VPS13B: variants seen among roughly 807,000 people sequenced by gnomAD.
The protein encoded by VPS13B is intermembrane lipid transfer protein VPS13B.
Under a neutral mutation model 426.4 loss-of-function variants are expected in VPS13B, and 285 were observed. The observed-to-expected ratio is 0.67, with a 90% CI of 0.61 to 0.74. VPS13B has a LOEUF of 0.74. Among genes scored for constraint, VPS13B ranks in the 30% least tolerant of loss-of-function variants. VPS13B has a pLI of 0.00. For synonymous variants in VPS13B, 1,676 were observed against 1,676.4 expected, an observed-to-expected ratio of 1.00 and a Z score of 0.01; for missense variants, 4,537 against 4,782.6, an observed-to-expected ratio of 0.95 and a Z score of 1.51.
rs184739080 is a variant in VPS13B at position 99,023,558 on chromosome 8, G to T, written c.147+9623G>T. On this transcript the variant is annotated intron_variant, in intron 2 of 61. Transcript: ENST00000357162. Reference sequence around the variant, plus strand: ...TGCAGTGGCGCAATCTTGGCTCACTGCAACCTCTGCCTCCTGGGTTCAAGC... The same window carrying T: ...TGCAGTGGCGCAATCTTGGCTCACTTCAACCTCTGCCTCCTGGGTTCAAGC... Among the ~76,000 whole-genome samples, 1,286 of 151,094 alleles carry T rather than the reference G, an allele frequency of 8.5e-3. 10 individuals are homozygous for T. The highest frequency in any genetic ancestry group is 0.012 in the Non-Finnish European group (825 of 67,846).
chr8:99,147,810 C>G, intron 13 of VPS13B, 31 bp from the exon 14 acceptor site: 1 of 1,329,664 alleles, frequency 7.5e-7, no homozygotes, highest in Non-Finnish European at 9.9e-7. Flanking sequence ...TAAAAATATT[C>G]TTTATTAATT....
intron 22 of VPS13B, among the ~76,000 whole-genome samples, chr8:99,434,494 G>A (rs191938015): frequency 6.4e-4 from 98 of 152,188 alleles, no homozygotes; most frequent in South Asian, 3.9e-3. Flanking sequence ...TTCTTATATA[G>A]CATAGAAAAT....
At chr8:99,818,196 A>T (rs1451264787) in intron 45 of VPS13B, among the ~76,000 whole-genome samples, 1 of 152,006 alleles carries the variant, frequency 6.6e-6, no homozygotes. Flanking sequence ...ATTCTCTTTC[A>T]TTTTGCCACT....
intron 35 of VPS13B, among the ~76,000 whole-genome samples, chr8:99,691,346 G>C (rs1294971837): frequency 6.6e-6 from 1 of 151,912 alleles, no homozygotes; most frequent in African/African-American, 2.4e-5. Context: ...ACAATAAATT[G>C]TATGCTATTG....
chr8:99,494,922 T>A (rs1222482566), intron 25 of VPS13B, among the ~76,000 whole-genome samples: 1 of 152,020 alleles, frequency 6.6e-6, no homozygotes, highest in Non-Finnish European at 1.5e-5. Flanking sequence ...TTAGTTGTAC[T>A]TTTTATACTG....
intron 21 of VPS13B, among the ~76,000 whole-genome samples, chr8:99,399,901 T>C (rs569111853): frequency 3.5e-4 from 53 of 152,314 alleles, no homozygotes; most frequent in African/African-American, 1.3e-3. Context: ...AACATACATA[T>C]AATGTCCTAT....
At chr8:99,697,229 C>A in intron 35 of VPS13B, 1 of 573,018 alleles carries the variant, frequency 1.7e-6, no homozygotes, top group South Asian at 1.9e-5. Context: ...AGCTGGAGGT[C>A]ACGCTGCAGG....
At chr8:99,529,437 T>C (rs1044272182) in intron 30 of VPS13B, among the ~76,000 whole-genome samples, 3 of 152,226 alleles carry the variant, frequency 2.0e-5, no homozygotes, top group South Asian at 2.1e-4. Context: ...AAAAACTTCA[T>C]GTAAACACTG....
chr8:99,463,311 C>G (rs906131247), intron 23 of VPS13B, among the ~76,000 whole-genome samples: 1 of 152,138 alleles, frequency 6.6e-6, no homozygotes, highest in Non-Finnish European at 1.5e-5. Context: ...TGTTGACAAA[C>G]AAGTCACGAT....
chr8:99,210,454 C>T (rs1179158109), intron 17 of VPS13B, among the ~76,000 whole-genome samples: 1 of 151,990 alleles, frequency 6.6e-6, no homozygotes, highest in East Asian at 1.9e-4. Flanking sequence ...GATCGGATAT[C>T]GGGTCATTTT....
At chr8:99,439,532 T>C (rs1182666424) in intron 22 of VPS13B, among the ~76,000 whole-genome samples, 2 of 152,116 alleles carry the variant, frequency 1.3e-5, no homozygotes, top group Non-Finnish European at 2.9e-5. Context: ...TTGTTTTTTA[T>C]TTGAAACTCT....
chr8:99,124,814 G>A (rs1262498867), intron 8 of VPS13B, among the ~76,000 whole-genome samples: 6 of 145,652 alleles, frequency 4.1e-5, no homozygotes, highest in Admixed American at 1.4e-4. Context: ...CCTGGGAGGC[G>A]GAGGTTGCAG....
intron 14 of VPS13B, among the ~76,000 whole-genome samples, chr8:99,150,316 A>G (rs1439022689): frequency 6.6e-6 from 1 of 152,194 alleles, no homozygotes; most frequent in African/African-American, 2.4e-5. Flanking sequence ...CCCCACGTAC[A>G]TAGCTTCCCT....
At chr8:99,857,045 C>T (rs1816584858) in intron 56 of VPS13B, among the ~76,000 whole-genome samples, 1 of 152,172 alleles carries the variant, frequency 6.6e-6, no homozygotes, top group African/African-American at 2.4e-5. Context: ...CAACCAATTT[C>T]CAAACGACTG....
At chr8:99,109,271 A>G (rs1247313312) in intron 5 of VPS13B, among the ~76,000 whole-genome samples, 1 of 152,050 alleles carries the variant, frequency 6.6e-6, no homozygotes, top group Non-Finnish European at 1.5e-5. Flanking sequence ...AGTTGCTGTT[A>G]TATTTTGTGT....
At chr8:99,340,823 C>T (rs965682308) in intron 19 of VPS13B, 4 of 330,820 alleles carry the variant, frequency 1.2e-5, no homozygotes, top group Non-Finnish European at 2.5e-5. Context: ...CGGACCGCCT[C>T]AGAGCCTGCA....
chr8:99,357,367 C>A (rs111405332), intron 19 of VPS13B, among the ~76,000 whole-genome samples: 1 of 152,046 alleles, frequency 6.6e-6, no homozygotes, highest in African/African-American at 2.4e-5. Context: ...TTTCATTAAC[C>A]GTTGGTAACT....
At chr8:99,614,462 A>G (rs1437561665) in intron 33 of VPS13B, among the ~76,000 whole-genome samples, 2 of 151,950 alleles carry the variant, frequency 1.3e-5, no homozygotes, top group East Asian at 3.9e-4. Flanking sequence ...TTTTTAAGAG[A>G]GATGGGGTTT....
At chr8:99,696,694 A>G in intron 35 of VPS13B, 4 of 793,826 alleles carry the variant, frequency 5.0e-6, no homozygotes, top group Non-Finnish European at 9.1e-6. Context: ...ATAGCAGCCA[A>G]GGGCAGTGCC....
Sources: gnomAD v4.1 joint callset for allele counts (sites outside exome capture counted in the v4.1 genomes callset) on GRCh38, gnomAD v4.1.1 for gene constraint, MANE v1.5 for transcripts, NCBI Gene and HGNC (gene_info 2026-07-23, HGNC 2026-07-21) for gene names.